UGT1A4: variants seen among roughly 807,000 people sequenced by gnomAD.
The protein encoded by UGT1A4 is UDP-glucuronosyltransferase 1A4.
A neutral mutation model predicts 41.1 loss-of-function variants in UGT1A4; 32 were observed. That is an observed-to-expected ratio of 0.78 (90% CI 0.59 to 1.05). The LOEUF (loss-of-function observed/expected upper bound fraction) is 1.05, where lower values mean the gene tolerates loss of function less well. Among genes scored for constraint, UGT1A4 ranks in the 50% least tolerant of loss-of-function variants. The probability of loss-of-function intolerance (pLI) is 0.00; values close to 1 mark genes in which losing one functional copy is unlikely to be tolerated. For missense variants in UGT1A4, 748 were observed against 677.4 expected (o/e 1.10, Z -1.16); for synonymous variants, 283 against 265.1 (o/e 1.07, Z -0.66).
intron 1 of UGT1A4, among the ~76,000 whole-genome samples, chr2:233,742,141 C>G (rs569949528): frequency 6.6e-6 from 1 of 151,830 alleles, no homozygotes; most frequent in Non-Finnish European, 1.5e-5. Flanking sequence ...AACCCAGCAG[C>G]GCTAGACGAA....
rs776227074 is a variant in UGT1A4, at chr2:233,767,898, C to T, written c.1049C>T (p.Thr350Met). 11 of 1,614,034 alleles carry T rather than the reference C, an allele frequency of 6.8e-6. No homozygotes were observed. Among genetic ancestry groups the T allele is most frequent in the East Asian group, 4.5e-5 (2 of 44,894 alleles). ...GTRPSNLANN[T>M]ILVKWLPQND... Reference sequence around the variant, plus strand: ...CGACCATCGAATCTTGCGAACAACACGATACTTGTTAAGTGGCTACCCCAA... The same window carrying T: ...CGACCATCGAATCTTGCGAACAACATGATACTTGTTAAGTGGCTACCCCAA... Residue 350 changes from threonine (T) to methionine (M), a missense_variant, in exon 3 of 5, where the codon ACG (threonine) becomes ATG (methionine). Transcript: ENST00000373409.
chr2:233,765,604 G>T (rs986298003), intron 1 of UGT1A4, among the ~76,000 whole-genome samples: 11 of 151,976 alleles, frequency 7.2e-5, no homozygotes, highest in Non-Finnish European at 1.2e-4. Context: ...CAGGGCTTGT[G>T]GCGGGGTGAG....
intron 1 of UGT1A4, among the ~76,000 whole-genome samples, chr2:233,727,206 C>A (rs1441651485): frequency 6.6e-6 from 1 of 152,164 alleles, no homozygotes; most frequent in Non-Finnish European, 1.5e-5. Flanking sequence ...CTCACTGACA[C>A]CCATGGCTTC....
chr2:233,739,708 G>C lies in UGT1A4; in HGVS notation c.867+20021G>C, dbSNP rs578128950. Reference sequence around the variant, plus strand: ...TGTTTTTGATTTTACAGGCTCATGGGGGAAGGGACTTGACTTGTCTCAGAT... The same window carrying C: ...TGTTTTTGATTTTACAGGCTCATGGCGGAAGGGACTTGACTTGTCTCAGAT... On this transcript the variant is annotated intron_variant, in intron 1 of 4. Coordinates refer to ENST00000373409, the MANE Select transcript of UGT1A4 (RefSeq NM_007120.3). 2.0e-5 allele frequency among the ~76,000 whole-genome samples: 3 copies of C among 152,316 alleles called. No homozygotes were observed. The East Asian group carries it at 5.8e-4, about 29-fold the overall frequency.
At chr2:233,755,984 T>G (rs1407833080) in intron 1 of UGT1A4, 1 of 152,244 alleles carries the variant, frequency 6.6e-6, no homozygotes, top group African/African-American at 2.4e-5. Flanking sequence ...TGGATTCTCA[T>G]GTCAGCTTCT....
chr2:233,722,534 T>C (rs2077021206), intron 1 of UGT1A4, among the ~76,000 whole-genome samples: 1 of 152,230 alleles, frequency 6.6e-6, no homozygotes, highest in Admixed American at 6.5e-5. Context: ...CTTAATGATT[T>C]CATCCTAGTT....
At chr2:233,734,972 G>C (rs1474652770) in intron 1 of UGT1A4, among the ~76,000 whole-genome samples, 2 of 152,238 alleles carry the variant, frequency 1.3e-5, no homozygotes, top group East Asian at 1.9e-4. Context: ...ATGTGGTGCT[G>C]AGAAGAATGT....
intron 1 of UGT1A4, chr2:233,729,698 C>T: frequency 6.2e-7 from 1 of 1,613,936 alleles, no homozygotes; most frequent in Non-Finnish European, 8.5e-7. Flanking sequence ...CCAAACCCTT[C>T]CTCCTATATT....
intron 1 of UGT1A4, chr2:233,729,328 C>T (rs765145094): frequency 7.4e-6 from 12 of 1,614,122 alleles, no homozygotes; most frequent in South Asian, 2.2e-5. Context: ...GGTGAATATG[C>T]ACATCAAAGA....
intron 1 of UGT1A4, among the ~76,000 whole-genome samples, chr2:233,759,835 C>T (rs1697265176): frequency 6.6e-6 from 1 of 152,172 alleles, no homozygotes; most frequent in African/African-American, 2.4e-5. Flanking sequence ...GTGGAGTGGG[C>T]ACTCTTACAG....
chr2:233,763,371 A>G (rs1027317735), intron 1 of UGT1A4, among the ~76,000 whole-genome samples: 3 of 152,180 alleles, frequency 2.0e-5, no homozygotes, highest in African/African-American at 7.2e-5. Flanking sequence ...TTTGTCTTCA[A>G]GCTTTCTTCC....
chr2:233,730,859 C>T (rs532557812), intron 1 of UGT1A4, among the ~76,000 whole-genome samples: 75 of 152,214 alleles, frequency 4.9e-4, no homozygotes, highest in African/African-American at 1.5e-3. Context: ...CCAAACCCAC[C>T]CTACTGCACT....
At chr2:233,754,951 G>A (rs769037573) in intron 1 of UGT1A4, 2 of 1,320,818 alleles carry the variant, frequency 1.5e-6, no homozygotes, top group Non-Finnish European at 2.0e-6. Context: ...AATGGGTCCC[G>A]GCCGCCAAAG....
chr2:233,743,474 G>T (rs762879751), intron 1 of UGT1A4: 8 of 1,366,712 alleles, frequency 5.9e-6, no homozygotes, highest in Middle Eastern at 2.1e-4. Context: ...CCAAAAGCTG[G>T]AAATTCACTG....
At position 233,724,532 on chromosome 2, in the gene UGT1A4, G is replaced by A. The variant is rs1443471428; in HGVS notation, c.867+4845G>A. On this transcript the variant is annotated intron_variant, in intron 1 of 4. Transcript: ENST00000373409. ...CTCACCTCCCAGATGGGGTCTCGCCGGGCAGAGGCGCTCCTCACATCCCAG... is the reference window on the plus strand; with the variant it reads ...CTCACCTCCCAGATGGGGTCTCGCCAGGCAGAGGCGCTCCTCACATCCCAG... Among the ~76,000 whole-genome samples the A allele has an allele frequency of 4.9e-5, 6 of 123,286 alleles. No individual in the cohort carries two copies. In the East Asian group the frequency reaches 7.5e-4, roughly 15 times the overall value. 80.9% of individuals were successfully genotyped at this position (123,286 alleles called of 152,430 possible). A position where few individuals can be genotyped will look rare whatever the true frequency, so the allele number is the denominator to read the frequency against.
In UGT1A4 at chr2:233,748,243, C is replaced by T. The variant is rs570859275; in HGVS notation, c.868-18791C>T. Among the ~76,000 whole-genome samples the T allele has an allele frequency of 2.0e-4, 31 of 151,784 alleles. 2 individuals are homozygous for T. Among genetic ancestry groups the T allele is most frequent in the African/African-American group, 6.3e-4 (26 of 41,150 alleles). ...TAAACTGTTAAGGGGTCTCTAGTAGCGTATTTCAGGTTTTAAATGGTCAAT... is the reference window on the plus strand; with the variant it reads ...TAAACTGTTAAGGGGTCTCTAGTAGTGTATTTCAGGTTTTAAATGGTCAAT... On this transcript the variant is annotated intron_variant, in intron 1 of 4. Transcript: ENST00000373409.
chr2:233,722,946 TGAG>T (rs1439594890), intron 1 of UGT1A4, among the ~76,000 whole-genome samples: 3 of 133,040 alleles, frequency 2.3e-5, no homozygotes, highest in African/African-American at 2.8e-5. Flanking sequence ...CTGAGTGGGC[TGAG>T]GAGGAGGAGG....
At chr2:233,770,026 C>T (rs371960443) in intron 4 of UGT1A4, 2 of 158,948 alleles carry the variant, frequency 1.3e-5, no homozygotes, top group South Asian at 1.9e-4. Flanking sequence ...TTTCCCTGCA[C>T]TGTTGAAGCT....
At chr2:233,744,020 A>G (rs772396813) in intron 1 of UGT1A4, 334 of 991,812 alleles carry the variant, frequency 3.4e-4, no homozygotes, top group East Asian at 3.5e-4. Context: ...CCGCCTGGAG[A>G]GACGCCCCTT....
Sources: allele counts gnomAD v4.1 joint callset (sites outside exome capture counted in the v4.1 genomes callset), GRCh38; gene constraint gnomAD v4.1.1; transcripts MANE v1.5; gene names NCBI Gene and HGNC (gene_info 2026-07-23, HGNC 2026-07-21).